Variants in GRXCR1 observed in about 807,000 individuals in gnomAD.
GRXCR1 encodes glutaredoxin and cysteine rich domain containing 1, also known as glutaredoxin domain-containing cysteine-rich protein 1.
GRXCR1 carries 27 observed loss-of-function variants against 27.3 expected under a neutral mutation model. That is an observed-to-expected ratio of 0.99 (90% CI 0.73 to 1.37). The LOEUF is 1.37. Among genes scored for constraint, GRXCR1 ranks in the 40% most tolerant of loss-of-function variants. The pLI is 0.00. For synonymous variants in GRXCR1, 122 were observed against 131.1 expected (o/e 0.93, Z 0.47); for missense variants, 379 against 354.4 (o/e 1.07, Z -0.56).
At chr4:42,968,782 T>A (rs945037934) in intron 2 of GRXCR1, among the ~76,000 whole-genome samples, 3 of 152,114 alleles carry the variant, frequency 2.0e-5, no homozygotes, top group East Asian at 3.9e-4. Context: ...AGTTTTTTTT[T>A]ATTTTTTCAG....
At chr4:42,984,910 C>A (rs890629275) in intron 2 of GRXCR1, among the ~76,000 whole-genome samples, 1 of 152,066 alleles carries the variant, frequency 6.6e-6, no homozygotes, top group Non-Finnish European at 1.5e-5. Flanking sequence ...TCCACATGTA[C>A]CAGCCTGGAG....
At chr4:43,024,601 A>G (rs1713196792) in intron 3 of GRXCR1, among the ~76,000 whole-genome samples, 1 of 152,170 alleles carries the variant, frequency 6.6e-6, no homozygotes, top group Non-Finnish European at 1.5e-5. Flanking sequence ...AGGCTTATAC[A>G]TTTAGAATTA....
chr4:43,001,462 T>A (rs145951156), intron 2 of GRXCR1, among the ~76,000 whole-genome samples: 65 of 152,274 alleles, frequency 4.3e-4, no homozygotes, highest in African/African-American at 1.5e-3. Context: ...CAGGAATCAG[T>A]GACAGTTATG....
intron 3 of GRXCR1, among the ~76,000 whole-genome samples, chr4:43,022,161 AC>A (rs1010840639): frequency 5.2e-4 from 79 of 152,298 alleles, no homozygotes; most frequent in African/African-American, 1.8e-3. Flanking sequence ...TTCTCTGTAC[AC>A]ACTTTAAACT....
chr4:42,988,793 A>G (rs1300434518), intron 2 of GRXCR1, among the ~76,000 whole-genome samples: 6 of 152,246 alleles, frequency 3.9e-5, no homozygotes, highest in East Asian at 1.9e-4. Context: ...AGGCAAGTGT[A>G]TATATGGAAT....
chr4:42,955,081 G>A (rs948952465), intron 1 of GRXCR1, among the ~76,000 whole-genome samples: 1 of 152,086 alleles, frequency 6.6e-6, no homozygotes, highest in African/African-American at 2.4e-5. Flanking sequence ...CCAGCCGCAT[G>A]TGCCTGCTAT....
chr4:42,988,699 G>A (rs970453493), intron 2 of GRXCR1, among the ~76,000 whole-genome samples: 2 of 152,172 alleles, frequency 1.3e-5, no homozygotes, highest in Non-Finnish European at 2.9e-5. Flanking sequence ...AATATGGTGT[G>A]CTGGCTGGTC....
intron 1 of GRXCR1, among the ~76,000 whole-genome samples, chr4:42,952,892 C>T (rs975029347): frequency 6.6e-6 from 1 of 152,166 alleles, no homozygotes; most frequent in Non-Finnish European, 1.5e-5. Context: ...TGACCTGCTC[C>T]TATTCAAGCC....
At chr4:43,000,827 A>G (rs1712332512) in intron 2 of GRXCR1, among the ~76,000 whole-genome samples, 1 of 152,096 alleles carries the variant, frequency 6.6e-6, no homozygotes. Flanking sequence ...ACATATGGGG[A>G]AAAGTGGTGA....
chr4:42,937,086 TC>T (rs1156296588), intron 1 of GRXCR1, among the ~76,000 whole-genome samples: 1 of 151,932 alleles, frequency 6.6e-6, no homozygotes, highest in Non-Finnish European at 1.5e-5. Context: ...GAAATTCCTC[TC>T]ATGGAAGATT....
At chr4:42,929,226 T>C (rs747197095) in intron 1 of GRXCR1, among the ~76,000 whole-genome samples, 4 of 151,968 alleles carry the variant, frequency 2.6e-5, no homozygotes, top group African/African-American at 4.8e-5. Context: ...TGATGACCTG[T>C]CTGTGAACAA....
At chr4:42,995,405 T>C (rs1299182726) in intron 2 of GRXCR1, among the ~76,000 whole-genome samples, 2 of 152,226 alleles carry the variant, frequency 1.3e-5, no homozygotes, top group African/African-American at 4.8e-5. Context: ...TTTGTAGAAA[T>C]GATCCATTTA....
chr4:42,926,007 A>T (rs577922987), intron 1 of GRXCR1, among the ~76,000 whole-genome samples: 1 of 152,118 alleles, frequency 6.6e-6, no homozygotes, highest in African/African-American at 2.4e-5. Flanking sequence ...AACATTTCCA[A>T]GCTCCTTGAG....
chr4:42,923,790 T>C (rs1195063531), intron 1 of GRXCR1, among the ~76,000 whole-genome samples: 2 of 151,988 alleles, frequency 1.3e-5, no homozygotes, highest in African/African-American at 2.4e-5. Flanking sequence ...TAGATACTGC[T>C]CACTGGCCAA....
At chr4:42,966,100 G>C (rs994106190) in intron 2 of GRXCR1, among the ~76,000 whole-genome samples, 3 of 152,016 alleles carry the variant, frequency 2.0e-5, no homozygotes, top group Admixed American at 6.6e-5. Flanking sequence ...ACTCCACAGT[G>C]GGGGGCAGGG....
chr4:42,902,483 G>T (rs182822876), intron 1 of GRXCR1, among the ~76,000 whole-genome samples: 1 of 152,264 alleles, frequency 6.6e-6, no homozygotes, highest in East Asian at 1.9e-4. Flanking sequence ...TGGCTGCATA[G>T]TATTCCATGG....
chr4:42,916,230 A>G (rs955473647), intron 1 of GRXCR1, among the ~76,000 whole-genome samples: 1 of 152,166 alleles, frequency 6.6e-6, no homozygotes, highest in African/African-American at 2.4e-5. Context: ...CCATGATGAA[A>G]GCCCTCAGCA....
intron 1 of GRXCR1, among the ~76,000 whole-genome samples, chr4:42,930,908 G>T (rs1433546928): frequency 6.6e-6 from 1 of 151,834 alleles, no homozygotes; most frequent in East Asian, 1.9e-4. Flanking sequence ...AAATTTTCTT[G>T]CTAATGTAAG....
At chr4:42,967,891 A>G (rs1344064554) in intron 2 of GRXCR1, among the ~76,000 whole-genome samples, 1 of 152,124 alleles carries the variant, frequency 6.6e-6, no homozygotes, top group Admixed American at 6.6e-5. Flanking sequence ...ACTTTACTCA[A>G]TGCCCCATGA....
Sources: allele counts gnomAD v4.1 joint callset (sites outside exome capture counted in the v4.1 genomes callset), GRCh38; gene constraint gnomAD v4.1.1; transcripts MANE v1.5; gene names NCBI Gene and HGNC (gene_info 2026-07-23, HGNC 2026-07-21).